The following LRRC8C variants were observed in gnomAD, a reference collection of about 807,000 sequenced individuals.
The protein encoded by LRRC8C is leucine rich repeat containing 8 VRAC subunit C.
A neutral mutation model predicts 55.3 loss-of-function variants in LRRC8C; 20 were observed. The ratio of observed to expected loss-of-function variants is 0.36; its 90% CI spans 0.25 to 0.53. The LOEUF (loss-of-function observed/expected upper bound fraction) is 0.53. Ranked by LOEUF, LRRC8C falls within the 20% of genes least tolerant of loss-of-function variation. The pLI, the probability that LRRC8C is intolerant of heterozygous loss-of-function variation, is 0.92. For synonymous variants in LRRC8C, 376 were observed against 360.7 expected (o/e 1.04, Z -0.48); for missense variants, 659 against 951.4 (o/e 0.69, Z 4.04).
At chr1:89,621,328 G>T in the LRRC8C span, among the ~76,000 whole-genome samples, 1 of 150,638 alleles carries the variant, frequency 6.6e-6, no homozygotes, top group East Asian at 1.9e-4. Flanking sequence ...AATTAGCCAG[G>T]CGTGGTGGCA....
At chr1:89,652,018 CA>C (rs1293498970) in intron 1 of LRRC8C, among the ~76,000 whole-genome samples, 12 of 152,258 alleles carry the variant, frequency 7.9e-5, no homozygotes, top group Middle Eastern at 3.4e-3. Flanking sequence ...AGTAATATCA[CA>C]CAAACAGGTT....
intron 1 of LRRC8C, among the ~76,000 whole-genome samples, chr1:89,652,174 A>G (rs1158071736): frequency 1.3e-5 from 2 of 152,226 alleles, no homozygotes; most frequent in African/African-American, 4.8e-5. Context: ...TAGATACACA[A>G]TGAAATATGA....
chr1:89,705,005 A>G (rs1444003898), intron 2 of LRRC8C, among the ~76,000 whole-genome samples: 1 of 151,926 alleles, frequency 6.6e-6, no homozygotes, highest in African/African-American at 2.4e-5. Context: ...TCACAATAGC[A>G]AAGACTTGGA....
At chr1:89,662,508 G>C (rs987214121) in intron 1 of LRRC8C, among the ~76,000 whole-genome samples, 4 of 152,228 alleles carry the variant, frequency 2.6e-5, no homozygotes, top group Non-Finnish European at 1.5e-5. Context: ...TAGAAGTGGA[G>C]AGACTAATCA....
At chr1:89,631,727 T>G (rs1203076952), upstream of LRRC8C, 1 of 152,140 alleles carries the variant, frequency 6.6e-6, no homozygotes, top group Admixed American at 6.5e-5. Context: ...GTAGGTTAAT[T>G]AAGACTGGTG....
At chr1:89,675,341 C>T (rs1342771573) in intron 1 of LRRC8C, among the ~76,000 whole-genome samples, 1 of 152,184 alleles carries the variant, frequency 6.6e-6, no homozygotes, top group Non-Finnish European at 1.5e-5. Context: ...AGTTTTAATG[C>T]TCTTGAGGGC....
chr1:89,696,264 T>G (rs1658168137), intron 2 of LRRC8C, among the ~76,000 whole-genome samples: 1 of 152,216 alleles, frequency 6.6e-6, no homozygotes, highest in African/African-American at 2.4e-5. Context: ...AACCACATTA[T>G]CAGTTTCCTG....
At chr1:89,699,549 A>G (rs1011494828) in intron 2 of LRRC8C, among the ~76,000 whole-genome samples, 4 of 152,222 alleles carry the variant, frequency 2.6e-5, no homozygotes, top group Non-Finnish European at 5.9e-5. Context: ...AAGAAAATTT[A>G]AAAAGTCTTT....
intron 1 of LRRC8C, among the ~76,000 whole-genome samples, chr1:89,666,032 C>T (rs574525200): frequency 3.3e-5 from 5 of 152,218 alleles, no homozygotes; most frequent in East Asian, 1.9e-4. Flanking sequence ...AGCCAAAGTG[C>T]GTAGTAGGCT....
At chr1:89,642,879 G>A (rs1170277767) in intron 1 of LRRC8C, among the ~76,000 whole-genome samples, 1 of 151,064 alleles carries the variant, frequency 6.6e-6, no homozygotes, top group Non-Finnish European at 1.5e-5. Flanking sequence ...TTAACTGGGT[G>A]TGTTGGTGCG....
In LRRC8C at chr1:89,714,173, C is replaced by A; in HGVS notation, c.1603C>A (p.Leu535Ile). 6.2e-7 allele frequency: 1 copy of A among 1,614,090 alleles called. No individual in the cohort carries two copies. The highest frequency in any genetic ancestry group is 1.1e-5 in the South Asian group (1 of 91,048). ...TCATGATATTTCCAGAAATGTCACC[C>A]TTGAGTCTCTGCGGGATCTCAAAAG... The part of the protein sequence containing the change: ...LSHDISRNVT[L>I]ESLRDLKSLK... The change falls in exon 3 of 3, where the codon CTT becomes ATT. Residue 535 changes from leucine (L) to isoleucine (I), a missense_variant. By Grantham distance (5) the Leu-to-Ile change is conservative. This residue lies in a region of LRRC8C where 344 missense variants were observed against 464.6 expected (regional missense o/e 0.74). Coordinates refer to ENST00000370454, the MANE Select transcript of LRRC8C (RefSeq NM_032270.5). The surrounding 1 kb of genome is among the most constrained non-coding windows in gnomAD (Gnocchi z 4.6).
chr1:89,693,647 T>C (rs1253870890), intron 2 of LRRC8C, among the ~76,000 whole-genome samples: 1 of 46,484 alleles, frequency 2.2e-5, no homozygotes, highest in Non-Finnish European at 4.7e-5. Flanking sequence ...CTTTTCTTCC[T>C]TTTTTTTTTT....
chr1:89,655,691 G>T (rs1411715459), intron 1 of LRRC8C, among the ~76,000 whole-genome samples: 5 of 152,136 alleles, frequency 3.3e-5, no homozygotes, highest in African/African-American at 9.7e-5. Context: ...AGCCAGAGGG[G>T]GCAAATCGAC....
chr1:89,712,860 A>G lies in LRRC8C; in HGVS notation c.290A>G (p.Lys97Arg). 6.2e-7 allele frequency: 1 copy of G among 1,614,148 alleles called. No individual in the cohort carries two copies. The change falls in exon 3 of 3, where the codon AAA (lysine) becomes AGA (arginine). Residue 97 changes from lysine (K) to arginine (R), a missense_variant. Coordinates refer to ENST00000370454, the MANE Select transcript of LRRC8C (RefSeq NM_032270.5). ...SPANPITVEM[K>R]GLKTDLDLQQ... ...GCTAACCCCATCACTGTGGAAATGA[A>G]AGGCCTGAAGACAGATTTGGACCTT...
Position 89,686,341 on chromosome 1 carries a change from T to C in LRRC8C, c.-4-129T>C, listed in dbSNP as rs886771460. The C allele has an allele frequency of 2.2e-5, 19 of 863,180 alleles. No individual in the cohort carries two copies. The Admixed American group carries it at 5.0e-4, about 23-fold the overall frequency. 53.5% of individuals were successfully genotyped at this position (863,180 alleles called of 1,614,324 possible). ...TTTTATTCAGTGGCTCATCAAAACA[T>C]TGATGTGTCTTGACAGCTCTTGAAC... On this transcript the variant is annotated intron_variant, in intron 1 of 2. Coordinates refer to ENST00000370454, the MANE Select transcript of LRRC8C (RefSeq NM_032270.5).
intron 1 of LRRC8C, among the ~76,000 whole-genome samples, chr1:89,649,003 C>T (rs1051340681): frequency 6.6e-6 from 1 of 152,100 alleles, no homozygotes; most frequent in Admixed American, 6.5e-5. Flanking sequence ...TGGTTGTTTT[C>T]ACCTTTTAGC....
chr1:89,643,520 A>G (rs1348323699), intron 1 of LRRC8C, among the ~76,000 whole-genome samples: 1 of 152,248 alleles, frequency 6.6e-6, no homozygotes, highest in Non-Finnish European at 1.5e-5. Flanking sequence ...CATTTTATAG[A>G]GAATTGTAGA....
intron 1 of LRRC8C, among the ~76,000 whole-genome samples, chr1:89,636,469 CTTTTA>C (rs1480681302): frequency 6.6e-6 from 1 of 152,112 alleles, no homozygotes; most frequent in African/African-American, 2.4e-5. Context: ...TGCTCTTACT[CTTTTA>C]TTTTATTTTT....
At chr1:89,636,224 T>A (rs1488303050) in intron 1 of LRRC8C, among the ~76,000 whole-genome samples, 2 of 152,236 alleles carry the variant, frequency 1.3e-5, no homozygotes, top group African/African-American at 4.8e-5. Flanking sequence ...TGTCACCTAG[T>A]AGGTGCTCAG....
Sources: allele counts gnomAD v4.1 joint callset (sites outside exome capture counted in the v4.1 genomes callset), GRCh38; gene constraint gnomAD v4.1.1; regional missense constraint gnomAD v4.1.1; non-coding constraint Gnocchi (gnomAD v3.1); transcripts MANE v1.5; gene names NCBI Gene and HGNC (gene_info 2026-07-23, HGNC 2026-07-21).